SORCS2: variants seen among roughly 807,000 people sequenced by gnomAD.
SORCS2 encodes sortilin related VPS10 domain containing receptor 2.
SORCS2 carries 100 observed loss-of-function variants against 141.6 expected under a neutral mutation model. That is an observed-to-expected ratio of 0.71 (90% CI 0.60 to 0.83). The LOEUF (loss-of-function observed/expected upper bound fraction) is 0.83, where lower values mean the gene tolerates loss of function less well. Ranked by LOEUF, SORCS2 falls within the 40% of genes least tolerant of loss-of-function variation. The probability of loss-of-function intolerance (pLI) is 0.00; values close to 1 mark genes in which losing one functional copy is unlikely to be tolerated. For synonymous variants in SORCS2, 789 were observed against 676.9 expected (o/e 1.17, Z -2.57); for missense variants, 1,646 against 1,560.2 (o/e 1.05, Z -0.93).
chr4:7,464,510 C>A (rs1314286377), intron 2 of SORCS2, among the ~76,000 whole-genome samples: 1 of 152,010 alleles, frequency 6.6e-6, no homozygotes, highest in Admixed American at 6.6e-5. Context: ...GGACTGAGCC[C>A]CGAGGGGAAG....
chr4:7,516,385 G>A (rs12506514), intron 2 of SORCS2, among the ~76,000 whole-genome samples: 40,852 of 152,052 alleles, frequency 0.27, 6,055 homozygotes, highest in Middle Eastern at 0.41. Context: ...CTGGCCTGTT[G>A]TTAGGGGCTC....
At chr4:7,531,901 C>T (rs1326038553) in intron 3 of SORCS2, among the ~76,000 whole-genome samples, 1 of 152,262 alleles carries the variant, frequency 6.6e-6, no homozygotes. Context: ...GGGCATGCAT[C>T]CATCAGAGCA....
At chr4:7,625,868 G>C (rs1023692311) in intron 3 of SORCS2, among the ~76,000 whole-genome samples, 16 of 149,946 alleles carry the variant, frequency 1.1e-4, no homozygotes, top group African/African-American at 3.6e-4. Context: ...GCTGGGCGCG[G>C]TGGCTCACAT....
chr4:7,469,530 A>G (rs1577615997), intron 2 of SORCS2, among the ~76,000 whole-genome samples: 1 of 152,238 alleles, frequency 6.6e-6, no homozygotes, highest in East Asian at 1.9e-4. Flanking sequence ...CTGTTTATCC[A>G]GGCAGAGCCT....
rs181710666 is a variant in SORCS2, at chr4:7,525,697, C to G, written c.549-5833C>G. The stretch of plus-strand genomic sequence containing the variant: ...TCCCCAACTCAGTCACCTGTCCCCA[C>G]CTCAGTCACTTGTCCCTTCTTGCAG... On this transcript the variant is annotated intron_variant, in intron 2 of 26. Coordinates refer to ENST00000507866, the MANE Select transcript of SORCS2 (RefSeq NM_020777.3). 9.2e-5 allele frequency among the ~76,000 whole-genome samples: 14 copies of G among 151,706 alleles called. No individual in the cohort carries two copies. In the East Asian group the frequency reaches 2.7e-3, roughly 30 times the overall value.
chr4:7,263,773 C>T (rs1714527041), intron 1 of SORCS2, among the ~76,000 whole-genome samples: 1 of 152,188 alleles, frequency 6.6e-6, no homozygotes, highest in Admixed American at 6.5e-5. Context: ...GGACACCCAC[C>T]TCATGGTGTC....
intron 2 of SORCS2, among the ~76,000 whole-genome samples, chr4:7,416,945 C>G (rs76813430): frequency 1.5e-3 from 227 of 152,276 alleles, no homozygotes; most frequent in Non-Finnish European, 2.8e-3. Flanking sequence ...CACACATACT[C>G]TCGCACACAC....
intron 1 of SORCS2, among the ~76,000 whole-genome samples, chr4:7,252,637 G>A (rs1162443135): frequency 6.6e-6 from 1 of 152,096 alleles, no homozygotes; most frequent in African/African-American, 2.4e-5. Context: ...AGCCCTGAGT[G>A]ACCGTGCAAT....
rs376465153 is a variant in SORCS2 at position 7,718,139 on chromosome 4, G to A, written c.2380G>A (p.Val794Met). 79 of 1,611,320 alleles carry A rather than the reference G, an allele frequency of 4.9e-5. No homozygotes were observed. The highest frequency in any genetic ancestry group is 8.9e-5 in the East Asian group (4 of 44,784). Residue 794 changes from valine (V) to methionine (M), a missense_variant, in exon 18 of 27, where the codon GTG becomes ATG. Physicochemically the swap from Val to Met is conservative, Grantham distance 21. Transcript: ENST00000507866. The stretch of plus-strand genomic sequence containing the variant: ...CAGCATTCAAGGCGAGGCGGTGGCC[G>A]TGCGGCCTGGAGAGGACGTCCTGTT... ...QVSIQGEAVA[V>M]RPGEDVLFVV...
At chr4:7,342,776 G>A (rs186617340) in intron 1 of SORCS2, among the ~76,000 whole-genome samples, 203 of 152,322 alleles carry the variant, frequency 1.3e-3, no homozygotes, top group African/African-American at 4.0e-3. Context: ...GTAATTGGCC[G>A]CTGGCATGGG....
At chr4:7,657,880 G>A (rs1416381007) in intron 5 of SORCS2, among the ~76,000 whole-genome samples, 1 of 152,064 alleles carries the variant, frequency 6.6e-6, no homozygotes, top group Non-Finnish European at 1.5e-5. Flanking sequence ...GTGAGTCACT[G>A]AGTGAATGAG....
intron 2 of SORCS2, among the ~76,000 whole-genome samples, chr4:7,398,250 G>A (rs987464878): frequency 1.3e-5 from 2 of 152,216 alleles, no homozygotes; most frequent in Non-Finnish European, 2.9e-5. Flanking sequence ...TCAGAAGCAG[G>A]TGGCAGCAGA....
At chr4:7,602,371 T>C (rs1179518411) in intron 3 of SORCS2, among the ~76,000 whole-genome samples, 5 of 147,376 alleles carry the variant, frequency 3.4e-5, no homozygotes, top group African/African-American at 7.6e-5. Context: ...GGGCGGCTGC[T>C]GGGCGGAGGG....
At chr4:7,466,101 G>C (rs1019905337) in intron 2 of SORCS2, among the ~76,000 whole-genome samples, 4 of 151,972 alleles carry the variant, frequency 2.6e-5, no homozygotes, top group Admixed American at 2.6e-4. Context: ...CACACAAAGG[G>C]ATATGAATGT....
intron 2 of SORCS2, among the ~76,000 whole-genome samples, chr4:7,458,020 G>C (rs575375607): frequency 6.6e-6 from 1 of 152,278 alleles, no homozygotes; most frequent in South Asian, 2.1e-4. Flanking sequence ...GGATGTCCTG[G>C]TTACCCCAAA....
chr4:7,200,755 T>G (rs542835891), intron 1 of SORCS2, among the ~76,000 whole-genome samples: 185 of 152,248 alleles, frequency 1.2e-3, no homozygotes, highest in African/African-American at 4.3e-3. Context: ...CTGAGCCTTT[T>G]TCCTCATTTA....
In SORCS2 at chr4:7,666,224, G is replaced by A. The variant is rs76283103; in HGVS notation, c.1072-900G>A. Among the ~76,000 whole-genome samples the A allele has an allele frequency of 9.9e-3, 1,506 of 152,210 alleles. 22 individuals are homozygous for A. Among genetic ancestry groups the A allele is most frequent in the African/African-American group, 0.034 (1,421 of 41,518 alleles). On this transcript the variant is annotated intron_variant, in intron 7 of 26. Transcript: ENST00000507866. ...GTCTGGGCATCTTGGGGGTTTGAACGACGTCCACGTCTGGTCTGTGTTCAG... is the reference window on the plus strand; with the variant it reads ...GTCTGGGCATCTTGGGGGTTTGAACAACGTCCACGTCTGGTCTGTGTTCAG...
In SORCS2 at chr4:7,682,999, A is replaced by T; in HGVS notation, c.1488+110A>T. On this transcript the variant is annotated intron_variant, in intron 10 of 26. Coordinates refer to ENST00000507866, the MANE Select transcript of SORCS2 (RefSeq NM_020777.3). ...ATGTCTGAGAAGGACCATCTGAGAC[A>T]CATGAACCACCTATTTCTGCTGGGT... 6.8e-6 allele frequency: 9 copies of T among 1,325,924 alleles called. 1 individual carries two copies. In the South Asian group the frequency reaches 1.4e-4, roughly 20 times the overall value. 82.1% of individuals were successfully genotyped at this position (1,325,924 alleles called of 1,614,324 possible). A position where few individuals can be genotyped will look rare whatever the true frequency, so the allele number is the denominator to read the frequency against.
At chr4:7,405,350 T>A (rs1376189052) in intron 2 of SORCS2, among the ~76,000 whole-genome samples, 1 of 152,160 alleles carries the variant, frequency 6.6e-6, no homozygotes, top group African/African-American at 2.4e-5. Context: ...CTTTTTGGGT[T>A]CCATTTGAAT....
Sources: allele counts gnomAD v4.1 joint callset (sites outside exome capture counted in the v4.1 genomes callset), GRCh38; gene constraint gnomAD v4.1.1; transcripts MANE v1.5; gene names NCBI Gene and HGNC (gene_info 2026-07-23, HGNC 2026-07-21).